The following ANKFN1 variants were observed in gnomAD, a reference collection of about 807,000 sequenced individuals.
The protein encoded by ANKFN1 is ankyrin repeat and fibronectin type-III domain-containing protein 1.
In ANKFN1, 74 loss-of-function variants were observed where a neutral mutation model predicts 108.7. That is an observed-to-expected ratio of 0.68 (90% CI 0.56 to 0.83). The LOEUF (loss-of-function observed/expected upper bound fraction) is 0.83, where lower values mean the gene tolerates loss of function less well. Among genes scored for constraint, ANKFN1 ranks in the 40% least tolerant of loss-of-function variants. The probability of loss-of-function intolerance (pLI) is 0.00; values close to 1 mark genes in which losing one functional copy is unlikely to be tolerated. For synonymous variants in ANKFN1, 547 were observed against 516.2 expected (o/e 1.06, Z -0.81); for missense variants, 1,505 against 1,382.3 (o/e 1.09, Z -1.41).
At chr17:56,320,491 G>T (rs1159125154) in intron 3 of ANKFN1, among the ~76,000 whole-genome samples, 1 of 152,188 alleles carries the variant, frequency 6.6e-6, no homozygotes, top group Non-Finnish European at 1.5e-5. Flanking sequence ...TATAAATGGG[G>T]CTTTGTGACC....
At chr17:56,098,102 A>G (rs1905567112) in intron 4 of ANKFN1, among the ~76,000 whole-genome samples, 1 of 152,162 alleles carries the variant, frequency 6.6e-6, no homozygotes, top group Non-Finnish European at 1.5e-5. Flanking sequence ...ATAACCATAG[A>G]GGCAGAGGTG....
chr17:56,346,699 A>G (rs1245563209), intron 4 of ANKFN1, among the ~76,000 whole-genome samples: 3 of 151,668 alleles, frequency 2.0e-5, no homozygotes, highest in African/African-American at 4.8e-5. Context: ...GGACTTTTGG[A>G]AGTCCTTTCT....
chr17:56,131,100 C>A (rs1200273740), intron 4 of ANKFN1, among the ~76,000 whole-genome samples: 3 of 152,168 alleles, frequency 2.0e-5, no homozygotes, highest in Non-Finnish European at 4.4e-5. Flanking sequence ...CCAAAGAGCT[C>A]AAAAAATCTG....
chr17:56,437,717 G>A (rs1598608806), intron 8 of ANKFN1, among the ~76,000 whole-genome samples: 1 of 152,140 alleles, frequency 6.6e-6, no homozygotes, highest in African/African-American at 2.4e-5. Flanking sequence ...TTAGTAGCTC[G>A]TAAGTGGAAT....
At chr17:56,123,463 C>A (rs2143306760) in intron 4 of ANKFN1, among the ~76,000 whole-genome samples, 1 of 152,310 alleles carries the variant, frequency 6.6e-6, no homozygotes, top group African/African-American at 2.4e-5. Context: ...GCTCTGTGAC[C>A]TGTGTGACCT....
chr17:56,153,791 A>G (rs964387671), intron 1 of ANKFN1, among the ~76,000 whole-genome samples: 2 of 152,138 alleles, frequency 1.3e-5, no homozygotes, highest in African/African-American at 4.8e-5. Context: ...AGGCTTCTAG[A>G]GACAAGTTTT....
At chr17:56,091,874 C>T (rs144543225) in intron 4 of ANKFN1, among the ~76,000 whole-genome samples, 1,848 of 151,480 alleles carry the variant, frequency 0.012, 81 homozygotes, top group Non-Finnish European at 0.02. Context: ...TATATGTAAA[C>T]TTCATGTGTG....
chr17:56,194,424 A>T (rs574223230), intron 1 of ANKFN1, among the ~76,000 whole-genome samples: 1 of 152,316 alleles, frequency 6.6e-6, no homozygotes, highest in Admixed American at 6.5e-5. Flanking sequence ...GTATTATTTA[A>T]TACTAAAAGA....
intron 8 of ANKFN1, among the ~76,000 whole-genome samples, chr17:56,382,460 A>T (rs1440809179): frequency 6.6e-6 from 1 of 152,182 alleles, no homozygotes; most frequent in Non-Finnish European, 1.5e-5. Context: ...TAATGACAGG[A>T]TCAAATTCAC....
chr17:56,127,818 T>C (rs1229136736), intron 4 of ANKFN1, among the ~76,000 whole-genome samples: 1 of 152,182 alleles, frequency 6.6e-6, no homozygotes, highest in East Asian at 1.9e-4. Flanking sequence ...GCAAAGCTTG[T>C]TTGTGGAGAA....
intron 2 of ANKFN1, among the ~76,000 whole-genome samples, chr17:56,222,048 T>C (rs919282351): frequency 3.3e-5 from 5 of 152,126 alleles, no homozygotes; most frequent in Admixed American, 6.5e-5. Context: ...TTTATCAGGG[T>C]CTCAGGTGAT....
At chr17:56,346,766 T>A (rs929086688) in intron 4 of ANKFN1, among the ~76,000 whole-genome samples, 1 of 151,906 alleles carries the variant, frequency 6.6e-6, no homozygotes, top group African/African-American at 2.4e-5. Flanking sequence ...TATGTGAAAT[T>A]TTTTTTAGGT....
chr17:56,441,392 C>A (rs2049098579), intron 9 of ANKFN1, among the ~76,000 whole-genome samples: 1 of 152,008 alleles, frequency 6.6e-6, no homozygotes, highest in Admixed American at 6.6e-5. Context: ...CAAGTTTAAA[C>A]CTGCTTATTC....
intron 3 of ANKFN1, among the ~76,000 whole-genome samples, chr17:56,285,752 TC>T (rs1298655928): frequency 1.3e-5 from 2 of 152,088 alleles, no homozygotes; most frequent in African/African-American, 4.8e-5. Flanking sequence ...CTCCAAATAG[TC>T]TAATTAGAAG....
chr17:56,338,483 C>G (rs1220675344), intron 4 of ANKFN1, among the ~76,000 whole-genome samples: 3 of 152,126 alleles, frequency 2.0e-5, no homozygotes, highest in South Asian at 2.1e-4. Context: ...TAATGATAGA[C>G]TTCAACCTGT....
upstream of ANKFN1, among the ~76,000 whole-genome samples, chr17:56,152,132 A>G (rs1186798551): frequency 6.6e-6 from 1 of 152,094 alleles, no homozygotes; most frequent in African/African-American, 2.4e-5. Context: ...AAACTGTAAA[A>G]AGTACTATGG....
intron 6 of ANKFN1, among the ~76,000 whole-genome samples, chr17:56,358,738 G>A (rs2046438572): frequency 6.6e-6 from 1 of 152,148 alleles, no homozygotes; most frequent in South Asian, 2.1e-4. Context: ...GAAAGCCAAT[G>A]TATAGAGGCA....
chr17:56,268,243 G>A (rs984930137), intron 3 of ANKFN1, among the ~76,000 whole-genome samples: 6 of 152,062 alleles, frequency 3.9e-5, no homozygotes, highest in East Asian at 1.9e-4. Flanking sequence ...CTCTTGGACC[G>A]CAGCACAATA....
At chr17:56,481,082 C>CAAAAAAAAAAAAAAAAAAAAAAA (rs11439875) in intron 17 of ANKFN1, among the ~76,000 whole-genome samples, 1 of 65,884 alleles carries the variant, frequency 1.5e-5, no homozygotes. Flanking sequence ...GTCTGGTCAG[C>CAAAAAAAAAAAAAAAAAAAAAAA]AAAAAAAAAA....
Sources: gnomAD v4.1 joint callset for allele counts (sites outside exome capture counted in the v4.1 genomes callset) on GRCh38, gnomAD v4.1.1 for gene constraint, MANE v1.5 for transcripts, NCBI Gene and HGNC (gene_info 2026-07-23, HGNC 2026-07-21) for gene names.